The following PTTG1IP variants were observed in gnomAD, a reference collection of about 807,000 sequenced individuals.
PTTG1IP encodes pituitary tumor-transforming gene 1 protein-interacting protein.
In PTTG1IP, 16 loss-of-function variants were observed where a neutral mutation model predicts 24.4. The observed-to-expected ratio is 0.66, with a 90% confidence interval of 0.44 to 1.00. The LOEUF (loss-of-function observed/expected upper bound fraction) is 1.00, where lower values mean the gene tolerates loss of function less well. Ranked by LOEUF, PTTG1IP falls within the 50% of genes least tolerant of loss-of-function variation. The pLI is 0.00. For missense variants in PTTG1IP, 241 were observed against 245.8 expected (o/e 0.98, Z 0.13); for synonymous variants, 89 against 96.8 (o/e 0.92, Z 0.47).
chr21:44,861,890 T>C, intron 2 of PTTG1IP: 1 of 715,988 alleles, frequency 1.4e-6, no homozygotes, highest in Non-Finnish European at 2.6e-6. Context: ...TCACCATCTG[T>C]AGCAAGGACC....
intron 1 of PTTG1IP, among the ~76,000 whole-genome samples, chr21:44,870,052 G>A (rs982431053): frequency 6.6e-6 from 1 of 152,218 alleles, no homozygotes; most frequent in East Asian, 1.9e-4. Flanking sequence ...CGGTCAGTCT[G>A]AGTCAGCGGA....
At chr21:44,856,469 T>A in intron 3 of PTTG1IP, 105 bp from the exon 4 acceptor site, 2 of 1,314,400 alleles carry the variant, frequency 1.5e-6, no homozygotes, top group Admixed American at 2.6e-5. Context: ...CACAGGAGCA[T>A]AAGGAGGAAA....
chr21:44,859,383 A>G (rs2146459457), intron 3 of PTTG1IP, among the ~76,000 whole-genome samples: 1 of 152,328 alleles, frequency 6.6e-6, no homozygotes, highest in East Asian at 1.9e-4. Flanking sequence ...CACTGAATAT[A>G]TGTACGCACA....
Position 44,850,192 on chromosome 21 carries a change from G to T in PTTG1IP, c.*1389C>A, listed in dbSNP as rs1446375315. 6.6e-6 allele frequency: 1 copy of T among 152,348 alleles called. No homozygotes were observed. Among genetic ancestry groups the T allele is most frequent in the Admixed American group, 6.5e-5 (1 of 15,298 alleles). The allele number at this position is 152,348 out of a possible 1,614,324, so 9.4% of individuals were successfully genotyped here. On this transcript the variant is annotated 3_prime_UTR_variant, in exon 6 of 6. Transcript: ENST00000330938. ...TCTTCTCAGTTTTCATGACTGTGAAGTGTGAAAATGGAACGCATCCTTGAT... is the reference window on the plus strand; with the variant it reads ...TCTTCTCAGTTTTCATGACTGTGAATTGTGAAAATGGAACGCATCCTTGAT...
intron 1 of PTTG1IP, 161 bp from the exon 2 acceptor site, chr21:44,865,608 A>G: frequency 1.4e-6 from 1 of 708,216 alleles, no homozygotes. Context: ...TGCTGATAAC[A>G]AGCCTTCTTC....
intron 4 of PTTG1IP, 89 bp from the exon 5 acceptor site, chr21:44,855,345 G>A: frequency 7.1e-7 from 1 of 1,405,052 alleles, no homozygotes; most frequent in Non-Finnish European, 1.0e-6. Context: ...CTCAGTGGGG[G>A]CGCCAGGTTT....
chr21:44,867,321 C>T (rs2083549940), intron 1 of PTTG1IP, among the ~76,000 whole-genome samples: 2 of 152,010 alleles, frequency 1.3e-5, no homozygotes, highest in African/African-American at 2.4e-5. Flanking sequence ...ATCATGTGAG[C>T]GAAAGACGCC....
chr21:44,865,655 A>G, intron 1 of PTTG1IP: 2 of 623,664 alleles, frequency 3.2e-6, no homozygotes, highest in Non-Finnish European at 5.8e-6. Context: ...ACCCCGCTGC[A>G]GGCAGGGCAC....
Position 44,851,331 on chromosome 21 carries a change from C to A in PTTG1IP, c.*250G>T, listed in dbSNP as rs1416170070. 1.3e-6 allele frequency: 2 copies of A among 1,496,306 alleles called. No homozygotes were observed. Among genetic ancestry groups the A allele is most frequent in the South Asian group, 1.2e-5 (1 of 81,528 alleles). The allele number at this position is 1,496,306 out of a possible 1,614,324, so 92.7% of individuals were successfully genotyped here. A position where few individuals can be genotyped will look rare whatever the true frequency, so the allele number is the denominator to read the frequency against. On this transcript the variant is annotated 3_prime_UTR_variant, in exon 6 of 6. Coordinates refer to ENST00000330938, the MANE Select transcript of PTTG1IP (RefSeq NM_004339.4). Reference sequence around the variant, plus strand: ...AAACTGAGAAGAGTATAAAAAAGCCCAAACCCCAAAGATTTCTTATTTCAA... The same window carrying A: ...AAACTGAGAAGAGTATAAAAAAGCCAAAACCCCAAAGATTTCTTATTTCAA...
At chr21:44,864,957 C>T (rs780168119) in intron 2 of PTTG1IP, among the ~76,000 whole-genome samples, 5 of 152,214 alleles carry the variant, frequency 3.3e-5, no homozygotes, top group Non-Finnish European at 5.9e-5. Context: ...GGCCCACCGG[C>T]CCAGAGGGCT....
intron 1 of PTTG1IP, among the ~76,000 whole-genome samples, chr21:44,872,673 G>A (rs1291807329): frequency 3.3e-5 from 5 of 152,240 alleles, no homozygotes; most frequent in Non-Finnish European, 5.9e-5. Flanking sequence ...AAACACTGCC[G>A]GTTTCTGGAA....
At chr21:44,862,723 G>A (rs1168717392) in intron 2 of PTTG1IP, among the ~76,000 whole-genome samples, 1 of 152,188 alleles carries the variant, frequency 6.6e-6, no homozygotes, top group Non-Finnish European at 1.5e-5. Flanking sequence ...TGTCCCCTGG[G>A]CCTTCTTTCC....
At chr21:44,852,970 T>G (rs2083421599) in intron 5 of PTTG1IP, among the ~76,000 whole-genome samples, 1 of 152,024 alleles carries the variant, frequency 6.6e-6, no homozygotes, top group South Asian at 2.1e-4. Context: ...ATTTCATCAA[T>G]GCAATTAAAG....
chr21:44,868,243 G>A (rs566557715), intron 1 of PTTG1IP, among the ~76,000 whole-genome samples: 49 of 152,332 alleles, frequency 3.2e-4, no homozygotes, highest in Non-Finnish European at 6.8e-4. Context: ...GGCACTGTGG[G>A]AGGAAGGAGC....
intron 1 of PTTG1IP, among the ~76,000 whole-genome samples, chr21:44,867,431 G>A (rs575993694): frequency 2.6e-4 from 39 of 152,044 alleles, no homozygotes; most frequent in Non-Finnish European, 5.0e-4. Context: ...CCTGGGGGAC[G>A]GCCATGCGTG....
At chr21:44,863,300 T>TCGGCAACA (rs2083509044) in intron 2 of PTTG1IP, among the ~76,000 whole-genome samples, 5 of 133,910 alleles carry the variant, frequency 3.7e-5, no homozygotes, top group African/African-American at 1.5e-4. Flanking sequence ...CGCCACGGCC[T>TCGGCAACA]CAGGAGCGTG....
In PTTG1IP at chr21:44,851,227, C is replaced by T. The variant is rs995788379; in HGVS notation, c.*354G>A. The T allele has an allele frequency of 7.3e-6, 8 of 1,090,882 alleles. No homozygotes were observed. The highest frequency in any genetic ancestry group is 3.5e-5 in the South Asian group (2 of 57,812). 67.6% of individuals were successfully genotyped at this position (1,090,882 alleles called of 1,614,324 possible). On this transcript the variant is annotated 3_prime_UTR_variant, in exon 6 of 6. Transcript: ENST00000330938. The stretch of plus-strand genomic sequence containing the variant: ...AAGCTTGTTAGTGGACAGAGAGAAA[C>T]GCAGGGTTCTGCCCTGGGAGAATGA...
Position 44,861,280 on chromosome 21 carries a change from G to C in PTTG1IP, c.169-9C>G. The C allele has an allele frequency of 3.1e-6, 5 of 1,601,614 alleles. No individual in the cohort carries two copies. The highest frequency in any genetic ancestry group is 4.3e-6 in the Non-Finnish European group (5 of 1,170,410). ...GTGTTGCACCAAAGACACTGAAAGA[G>C]ACCAACATTAAGCAAGCATTAGAAA... is the stretch of plus-strand genomic sequence containing the variant. On this transcript the variant is annotated splice_polypyrimidine_tract_variant and intron_variant, in intron 2 of 5. Coordinates refer to ENST00000330938, the MANE Select transcript of PTTG1IP (RefSeq NM_004339.4).
chr21:44,867,640 T>C (rs189287), intron 1 of PTTG1IP, among the ~76,000 whole-genome samples: 102,571 of 152,222 alleles, frequency 0.67, 34,963 homozygotes, highest in African/African-American at 0.77. Context: ...CTGTGACTGA[T>C]GCTCACGTCT....
Sources: allele counts gnomAD v4.1 joint callset (sites outside exome capture counted in the v4.1 genomes callset), GRCh38; gene constraint gnomAD v4.1.1; transcripts MANE v1.5; gene names NCBI Gene and HGNC (gene_info 2026-07-23, HGNC 2026-07-21).